Variants in DIAPH2 observed in about 807,000 individuals in gnomAD.
DIAPH2 encodes diaphanous related formin 2.
A neutral mutation model predicts 92.7 loss-of-function variants in DIAPH2; 35 were observed. The ratio of observed to expected loss-of-function variants is 0.38; its 90% CI spans 0.29 to 0.50. The LOEUF is 0.50. Ranked by LOEUF, DIAPH2 falls within the 20% of genes least tolerant of loss-of-function variation. DIAPH2 has a pLI of 0.94. For missense variants in DIAPH2, 701 were observed against 819.5 expected (o/e 0.86, Z 1.77); for synonymous variants, 301 against 280.4 (o/e 1.07, Z -0.73).
intron 22 of DIAPH2, among the ~76,000 whole-genome samples, chrX:97,155,162 T>TA (rs1334985709): frequency 8.9e-6 from 1 of 112,195 alleles, no homozygotes; most frequent in Non-Finnish European, 1.9e-5. Flanking sequence ...CTTCTCTATA[T>TA]AAATTATTGA....
Position 96,844,897 on chromosome X carries a change from A to G in DIAPH2, c.448-36682A>G, listed in dbSNP as rs1463891714. Among the ~76,000 whole-genome samples the G allele has an allele frequency of 2.7e-5, 3 of 112,197 alleles. No individual in the cohort carries two copies. The East Asian group carries it at 8.3e-4, about 31-fold the overall frequency. On this transcript the variant is annotated intron_variant, in intron 4 of 26. Coordinates refer to ENST00000324765, the MANE Select transcript of DIAPH2 (RefSeq NM_006729.5). ...CTCTTAAGAGCTAGAAAGCTTTAACATTCTCCTTATAATTCAGTTATGGTT... is the reference window on the plus strand; with the variant it reads ...CTCTTAAGAGCTAGAAAGCTTTAACGTTCTCCTTATAATTCAGTTATGGTT...
At chrX:97,537,846 G>A (rs2071108096) in intron 26 of DIAPH2, among the ~76,000 whole-genome samples, 1 of 109,940 alleles carries the variant, frequency 9.1e-6, no homozygotes, top group South Asian at 4.0e-4. Context: ...CCTCATAATA[G>A]ACCTTGTGCC....
At chrX:96,754,932 A>AG (rs2064216544) in intron 3 of DIAPH2, among the ~76,000 whole-genome samples, 1 of 87,254 alleles carries the variant, frequency 1.1e-5, no homozygotes, top group Non-Finnish European at 2.3e-5. Flanking sequence ...TCAAAAAAAA[A>AG]AAAAAAAAAA....
chrX:97,115,062 G>T, intron 21 of DIAPH2, 97 bp downstream of exon 21: 1 of 842,345 alleles, frequency 1.2e-6, no homozygotes, highest in Non-Finnish European at 1.6e-6. Flanking sequence ...CCACAAAATT[G>T]TATGCTTAAA....
At chrX:97,295,686 A>G (rs750073690) in intron 23 of DIAPH2, among the ~76,000 whole-genome samples, 1 of 110,630 alleles carries the variant, frequency 9.0e-6, no homozygotes, top group Non-Finnish European at 1.9e-5. Flanking sequence ...AAGGCTCTTA[A>G]TCACTGCATT....
intron 25 of DIAPH2, among the ~76,000 whole-genome samples, chrX:97,409,779 AGTCT>A (rs2069849133): frequency 8.9e-6 from 1 of 112,362 alleles, no homozygotes; most frequent in African/African-American, 3.2e-5. Context: ...CTAGCACAGC[AGTCT>A]GAGATTGACC....
chrX:96,744,116 A>C (rs1166237364), intron 3 of DIAPH2, among the ~76,000 whole-genome samples: 1 of 112,648 alleles, frequency 8.9e-6, no homozygotes, highest in African/African-American at 3.2e-5. Flanking sequence ...CTTTGAGAGA[A>C]GTCTACTTAT....
intron 4 of DIAPH2, among the ~76,000 whole-genome samples, chrX:96,824,615 A>T (rs2064801002): frequency 8.9e-6 from 1 of 111,921 alleles, no homozygotes; most frequent in African/African-American, 3.2e-5. Flanking sequence ...GTTCATTGGG[A>T]TGCTTCCCCT....
chrX:96,705,207 G>T (rs1437313529), intron 1 of DIAPH2, among the ~76,000 whole-genome samples: 2 of 110,490 alleles, frequency 1.8e-5, no homozygotes, highest in Non-Finnish European at 3.8e-5. Flanking sequence ...CTGACCTCAT[G>T]ATCCGCCCGC....
chrX:96,832,426 G>A (rs1345840672), intron 4 of DIAPH2, among the ~76,000 whole-genome samples: 4 of 111,009 alleles, frequency 3.6e-5, no homozygotes, highest in Non-Finnish European at 7.5e-5. Context: ...GAGAAAAGGG[G>A]CAGAAATAGA....
chrX:97,521,288 T>C (rs1461554101), intron 26 of DIAPH2, among the ~76,000 whole-genome samples: 1 of 112,250 alleles, frequency 8.9e-6, no homozygotes, highest in African/African-American at 3.2e-5. Flanking sequence ...GGTATTTTGT[T>C]ATAGCATTCC....
Position 97,390,469 on chromosome X carries a change from G to A in DIAPH2, c.3145+6425G>A, listed in dbSNP as rs2069648094. Among the ~76,000 whole-genome samples, 7 of 110,423 alleles carry A rather than the reference G, an allele frequency of 6.3e-5. 1 individual carries two copies. The South Asian group carries it at 2.7e-3, about 43-fold the overall frequency. ...TCCTGAGATTAAGCGATCTGCCTTGGCCTCCCAAAGTACTGGGATTATAGG... is the reference window on the plus strand; with the variant it reads ...TCCTGAGATTAAGCGATCTGCCTTGACCTCCCAAAGTACTGGGATTATAGG... On this transcript the variant is annotated intron_variant, in intron 25 of 26. Transcript: ENST00000324765.
chrX:97,201,864 A>G (rs948907303), intron 22 of DIAPH2, among the ~76,000 whole-genome samples: 2 of 111,166 alleles, frequency 1.8e-5, no homozygotes, highest in African/African-American at 3.3e-5. Context: ...ACAAATAATC[A>G]TCAGATTCTC....
At chrX:97,583,898 G>T (rs765102447) in intron 26 of DIAPH2, among the ~76,000 whole-genome samples, 1 of 112,459 alleles carries the variant, frequency 8.9e-6, no homozygotes, top group Non-Finnish European at 1.9e-5. Context: ...TAAGCCCTTC[G>T]GAAAAGCGCA....
chrX:96,884,775 C>A, intron 5 of DIAPH2: 1 of 1,210,207 alleles, frequency 8.3e-7, no homozygotes, highest in South Asian at 1.8e-5. Flanking sequence ...ACGAGTTCAC[C>A]GTGCATATTC....
chrX:97,293,441 C>T (rs1350095529), intron 23 of DIAPH2, among the ~76,000 whole-genome samples: 1 of 109,030 alleles, frequency 9.2e-6, no homozygotes, highest in Non-Finnish European at 1.9e-5. Flanking sequence ...TTAGTGGAGA[C>T]GGGGTTTCAC....
At chrX:97,232,233 CATCTT>C (rs1283991668) in intron 22 of DIAPH2, among the ~76,000 whole-genome samples, 6 of 110,941 alleles carry the variant, frequency 5.4e-5, no homozygotes, top group African/African-American at 1.6e-4. Context: ...TACCCTTCCT[CATCTT>C]ATTTATTTAT....
chrX:97,336,680 C>A (rs967335688), intron 23 of DIAPH2, among the ~76,000 whole-genome samples: 15 of 111,891 alleles, frequency 1.3e-4, no homozygotes, highest in Admixed American at 1.1e-3. Flanking sequence ...GTCATCAGCA[C>A]CTAGAAGATA....
chrX:97,011,852 A>G (rs1310302314), intron 17 of DIAPH2, among the ~76,000 whole-genome samples: 3 of 95,957 alleles, frequency 3.1e-5, no homozygotes, highest in Non-Finnish European at 6.1e-5. Flanking sequence ...AGATCGCATC[A>G]CTGCACTCCA....
Sources: gnomAD v4.1 joint callset for allele counts (sites outside exome capture counted in the v4.1 genomes callset) on GRCh38, gnomAD v4.1.1 for gene constraint, MANE v1.5 for transcripts, NCBI Gene and HGNC (gene_info 2026-07-23, HGNC 2026-07-21) for gene names.